Variants in FGF14 observed in about 807,000 individuals in gnomAD.
The protein encoded by FGF14 is fibroblast growth factor 14.
Under a neutral mutation model 25.5 loss-of-function variants are expected in FGF14, and 5 were observed. The ratio of observed to expected loss-of-function variants is 0.20; its 90% CI spans 0.10 to 0.41. FGF14 has a LOEUF of 0.41. FGF14 is among the 10% of genes least tolerant of loss of function. The probability of loss-of-function intolerance (pLI) is 1.00; values close to 1 mark genes in which losing one functional copy is unlikely to be tolerated. For missense variants in FGF14, 222 were observed against 320.1 expected, an observed-to-expected ratio of 0.69 and a Z score of 2.34; for synonymous variants, 138 against 118.3, an observed-to-expected ratio of 1.17 and a Z score of -1.08.
chr13:102,181,689 C>G (rs991759735), intron 1 of FGF14, among the ~76,000 whole-genome samples: 2 of 152,140 alleles, frequency 1.3e-5, no homozygotes, highest in Admixed American at 6.5e-5. Flanking sequence ...TTATATTATA[C>G]AGATTCTAAA....
chr13:101,875,384 G>A, intron 1 of FGF14, 88 bp from the exon 2 acceptor site: 2 of 923,668 alleles, frequency 2.2e-6, no homozygotes, highest in East Asian at 2.5e-5. Flanking sequence ...TTTTTCAGAA[G>A]AGGACATTTT....
intron 1 of FGF14, among the ~76,000 whole-genome samples, chr13:102,395,904 C>T (rs552596700): frequency 6.6e-6 from 1 of 152,216 alleles, no homozygotes; most frequent in Admixed American, 6.6e-5. Flanking sequence ...CTTTTGTTCC[C>T]TTCTCTTCAT....
At chr13:101,745,714 T>C (rs1308653495) in intron 3 of FGF14, among the ~76,000 whole-genome samples, 1 of 152,102 alleles carries the variant, frequency 6.6e-6, no homozygotes, top group Admixed American at 6.6e-5. Flanking sequence ...CTGTTTTAAA[T>C]GTAGATGGTT....
chr13:102,116,601 G>A lies in FGF14; in HGVS notation c.209-241305C>T, dbSNP rs114898589. 1.2e-3 allele frequency among the ~76,000 whole-genome samples: 179 copies of A among 152,270 alleles called. 1 individual carries two copies. The highest frequency in any genetic ancestry group is 4.0e-3 in the African/African-American group (166 of 41,564). On this transcript the variant is annotated intron_variant, in intron 1 of 4. Transcript: ENST00000376131. ...AAATCTTGTATGATTTGATTTATGT[G>A]AAGTGCCAGAATGGGCAAATTAATA...
At chr13:102,154,659 C>T (rs983540928) in intron 1 of FGF14, among the ~76,000 whole-genome samples, 11 of 152,042 alleles carry the variant, frequency 7.2e-5, no homozygotes, top group African/African-American at 2.2e-4. Context: ...CAAATTCACA[C>T]ATAACAATAT....
intron 1 of FGF14, among the ~76,000 whole-genome samples, chr13:102,012,129 C>T (rs1230631290): frequency 6.6e-6 from 1 of 151,966 alleles, no homozygotes; most frequent in African/African-American, 2.4e-5. Context: ...AGTCCCTAAA[C>T]TTTAAATATA....
At chr13:101,822,255 T>C (rs1240954945) in intron 3 of FGF14, among the ~76,000 whole-genome samples, 1 of 152,162 alleles carries the variant, frequency 6.6e-6, no homozygotes, top group Non-Finnish European at 1.5e-5. Flanking sequence ...CACCTTTTTA[T>C]GGAAAAGGCC....
At chr13:102,212,070 G>A (rs564093570) in intron 1 of FGF14, among the ~76,000 whole-genome samples, 3 of 152,154 alleles carry the variant, frequency 2.0e-5, no homozygotes, top group African/African-American at 4.8e-5. Context: ...ATTAGAGGAC[G>A]TTAGGGAATA....
chr13:101,732,978 A>C (rs2035909378), intron 3 of FGF14, among the ~76,000 whole-genome samples: 2 of 152,116 alleles, frequency 1.3e-5, no homozygotes, highest in African/African-American at 4.8e-5. Flanking sequence ...TTACAGTTTT[A>C]AAATCAATTG....
At chr13:102,169,463 A>G (rs1260000048) in intron 1 of FGF14, among the ~76,000 whole-genome samples, 1 of 152,156 alleles carries the variant, frequency 6.6e-6, no homozygotes, top group Non-Finnish European at 1.5e-5. Flanking sequence ...TAAAAGAAAT[A>G]AGAAACTCCA....
chr13:102,141,909 G>A (rs1005992053), intron 1 of FGF14, among the ~76,000 whole-genome samples: 3 of 152,146 alleles, frequency 2.0e-5, no homozygotes, highest in Non-Finnish European at 2.9e-5. Flanking sequence ...ATGTAGATAT[G>A]CATGTTTTCT....
intron 3 of FGF14, among the ~76,000 whole-genome samples, chr13:101,863,447 A>C: frequency 6.6e-6 from 1 of 152,184 alleles, no homozygotes; most frequent in Middle Eastern, 3.2e-3. Flanking sequence ...CTGGTAGCAA[A>C]CAACAACAAA....
intron 1 of FGF14, among the ~76,000 whole-genome samples, chr13:102,263,850 C>A (rs2141128579): frequency 6.6e-6 from 1 of 152,100 alleles, no homozygotes; most frequent in Non-Finnish European, 1.5e-5. Flanking sequence ...TTTGAAAGGC[C>A]AAATGTAAGA....
At chr13:101,808,951 A>G in intron 3 of FGF14, among the ~76,000 whole-genome samples, 1 of 152,262 alleles carries the variant, frequency 6.6e-6, no homozygotes, top group African/African-American at 2.4e-5. Context: ...GCTCCTGGAT[A>G]CACCGCTGTT....
chr13:101,752,709 TTCTC>T (rs757312449), intron 3 of FGF14, among the ~76,000 whole-genome samples: 10 of 152,292 alleles, frequency 6.6e-5, no homozygotes, highest in South Asian at 2.1e-4. Context: ...GGAACTCATG[TTCTC>T]TCTATTTTTT....
intron 1 of FGF14, among the ~76,000 whole-genome samples, chr13:102,058,845 T>C (rs997741015): frequency 2.6e-5 from 4 of 152,180 alleles, no homozygotes; most frequent in African/African-American, 4.8e-5. Context: ...TCACATGTTG[T>C]TTCTAGTTGC....
intron 3 of FGF14, among the ~76,000 whole-genome samples, chr13:101,823,086 T>G (rs1594379448): frequency 6.6e-6 from 1 of 152,326 alleles, no homozygotes; most frequent in Admixed American, 6.5e-5. Flanking sequence ...AATATGCTAA[T>G]TTTGTGTATA....
At chr13:102,028,302 T>C (rs1375596123) in intron 1 of FGF14, among the ~76,000 whole-genome samples, 1 of 152,058 alleles carries the variant, frequency 6.6e-6, no homozygotes, top group Non-Finnish European at 1.5e-5. Flanking sequence ...CTGTCACGAA[T>C]GGAATTAGTA....
intron 1 of FGF14, among the ~76,000 whole-genome samples, chr13:102,271,333 C>T (rs551356741): frequency 6.6e-6 from 1 of 152,282 alleles, no homozygotes; most frequent in South Asian, 2.1e-4. Flanking sequence ...TTCTTCTCTT[C>T]ACCATTCTGT....
Sources: gnomAD v4.1 joint callset for allele counts (sites outside exome capture counted in the v4.1 genomes callset) on GRCh38, gnomAD v4.1.1 for gene constraint, MANE v1.5 for transcripts, NCBI Gene and HGNC (gene_info 2026-07-23, HGNC 2026-07-21) for gene names.